The following RGS8 variants were observed in gnomAD, a reference collection of about 807,000 sequenced individuals.
RGS8 encodes regulator of G-protein signaling 8.
A neutral mutation model predicts 21.7 loss-of-function variants in RGS8; 8 were observed. The ratio of observed to expected loss-of-function variants is 0.37; its 90% CI spans 0.22 to 0.66. The LOEUF (loss-of-function observed/expected upper bound fraction) is 0.66. RGS8 is among the 30% of genes least tolerant of loss of function. The pLI is 0.59. For missense variants in RGS8, 157 were observed against 217.9 expected, an observed-to-expected ratio of 0.72 and a Z score of 1.76; for synonymous variants, 80 against 83.6, an observed-to-expected ratio of 0.96 and a Z score of 0.24.
intron 1 of RGS8, among the ~76,000 whole-genome samples, chr1:182,681,122 A>G (rs1385209724): frequency 6.6e-6 from 1 of 152,244 alleles, no homozygotes; most frequent in Non-Finnish European, 1.5e-5. Flanking sequence ...AGAACATCAG[A>G]GTCCGAGAAG....
upstream of RGS8, among the ~76,000 whole-genome samples, chr1:182,677,375 C>T (rs138897980): frequency 7.5e-4 from 114 of 152,284 alleles, no homozygotes; most frequent in Middle Eastern, 6.8e-3. Context: ...TATCATTATT[C>T]GTAGTCTTTT....
the RGS8 span, among the ~76,000 whole-genome samples, chr1:182,748,732 G>A: frequency 1.3e-5 from 2 of 152,256 alleles, no homozygotes; most frequent in Non-Finnish European, 2.9e-5. Flanking sequence ...TAGTATATAA[G>A]GGTTCCCTTT....
intron 5 of RGS8, among the ~76,000 whole-genome samples, chr1:182,650,132 G>C (rs1445082169): frequency 9.3e-5 from 14 of 149,792 alleles, no homozygotes; most frequent in Admixed American, 9.2e-4. Flanking sequence ...GGATGGTCTT[G>C]ATCTCTTGAC....
chr1:182,733,544 G>A, the RGS8 span, among the ~76,000 whole-genome samples: 115 of 152,156 alleles, frequency 7.6e-4, no homozygotes, highest in Non-Finnish European at 1.5e-3. Context: ...GCCAGGATAG[G>A]GCTGGAACAA....
At chr1:182,695,803 A>C in the RGS8 span, among the ~76,000 whole-genome samples, 1 of 152,222 alleles carries the variant, frequency 6.6e-6, no homozygotes, top group African/African-American at 2.4e-5. Context: ...GAGAGATTGG[A>C]GGTCAATACA....
At chr1:182,701,816 T>C in the RGS8 span, among the ~76,000 whole-genome samples, 424 of 152,298 alleles carry the variant, frequency 2.8e-3, 1 homozygote, top group African/African-American at 9.5e-3. Flanking sequence ...TTTTAAACTA[T>C]TTGTTTTTTA....
At chr1:182,662,911 A>T (rs867159308) in intron 5 of RGS8, among the ~76,000 whole-genome samples, 1 of 151,554 alleles carries the variant, frequency 6.6e-6, no homozygotes, top group Non-Finnish European at 1.5e-5. Flanking sequence ...AAAACACCCA[A>T]CGGAACAGGG....
chr1:182,661,206 G>A (rs1000346219), intron 5 of RGS8, among the ~76,000 whole-genome samples: 1 of 151,792 alleles, frequency 6.6e-6, no homozygotes, highest in Non-Finnish European at 1.5e-5. Context: ...TTCTCTGTGG[G>A]TATCCTGTTC....
intron 1 of RGS8, among the ~76,000 whole-genome samples, chr1:182,679,374 A>G (rs1054177283): frequency 1.2e-4 from 18 of 152,074 alleles, no homozygotes; most frequent in Non-Finnish European, 2.9e-5. Context: ...TGCCTTTGCC[A>G]TGGTGACCAT....
At chr1:182,736,800 C>T in the RGS8 span, among the ~76,000 whole-genome samples, 3 of 152,358 alleles carry the variant, frequency 2.0e-5, no homozygotes, top group South Asian at 2.1e-4. Context: ...ACCTTGCTCA[C>T]TCTTTCCCGC....
chr1:182,672,904 G>C, upstream of RGS8: 1 of 1,574,198 alleles, frequency 6.4e-7, no homozygotes, highest in Non-Finnish European at 8.7e-7. Context: ...CTCCAAGCGT[G>C]GTCCCTGAAC....
At chr1:182,667,701 T>C (rs192089335) in intron 3 of RGS8, among the ~76,000 whole-genome samples, 11 of 152,344 alleles carry the variant, frequency 7.2e-5, no homozygotes, top group Admixed American at 7.2e-4. Flanking sequence ...ATTTCTCATA[T>C]GTTTTATTTT....
the RGS8 span, among the ~76,000 whole-genome samples, chr1:182,693,905 G>A: frequency 6.6e-6 from 1 of 152,158 alleles, no homozygotes; most frequent in African/African-American, 2.4e-5. Context: ...TCAATTACAA[G>A]TAGGTGCTAA....
chr1:182,654,131 G>T (rs2102415022), intron 5 of RGS8, among the ~76,000 whole-genome samples: 1 of 152,296 alleles, frequency 6.6e-6, no homozygotes, highest in East Asian at 1.9e-4. Context: ...AAAGCTTAGA[G>T]AAGTGGAATA....
chr1:182,689,296 CACACACACA>C (rs1557906926), upstream of RGS8, among the ~76,000 whole-genome samples: 18 of 149,688 alleles, frequency 1.2e-4, no homozygotes, highest in African/African-American at 2.0e-4. Flanking sequence ...CACACACACA[CACACACACA>C]CCCCACAAGT....
chr1:182,679,957 C>T (rs374180429), intron 1 of RGS8, among the ~76,000 whole-genome samples: 1 of 152,240 alleles, frequency 6.6e-6, no homozygotes, highest in East Asian at 1.9e-4. Flanking sequence ...CCCTTTCTCT[C>T]ATCTCCTGTC....
intron 5 of RGS8, among the ~76,000 whole-genome samples, chr1:182,659,378 G>A (rs7530663): frequency 0.68 from 102,982 of 152,130 alleles, 35,564 homozygotes; most frequent in Non-Finnish European, 0.75. Context: ...TAGCATTCAC[G>A]AAGGAATCCT....
At chr1:182,644,350 C>T (rs1225799786), downstream of RGS8, 1 of 152,292 alleles carries the variant, frequency 6.6e-6, no homozygotes, top group African/African-American at 2.4e-5. Flanking sequence ...CACACACAAA[C>T]ACACAGAGAC....
chr1:182,651,639 A>G (rs541343201), intron 5 of RGS8, among the ~76,000 whole-genome samples: 1 of 152,364 alleles, frequency 6.6e-6, no homozygotes, highest in Non-Finnish European at 1.5e-5. Flanking sequence ...AAATCTCTCA[A>G]GGAAACTCTG....
Sources: gnomAD v4.1 joint callset for allele counts (sites outside exome capture counted in the v4.1 genomes callset) on GRCh38, gnomAD v4.1.1 for gene constraint, MANE v1.5 for transcripts, NCBI Gene and HGNC (gene_info 2026-07-23, HGNC 2026-07-21) for gene names.